Variants in EQTN observed in about 807,000 individuals in gnomAD.
EQTN encodes equatorin.
In EQTN, 29 loss-of-function variants were observed where a neutral mutation model predicts 26.9. The observed-to-expected ratio is 1.08, with a 90% CI of 0.80 to 1.47. The LOEUF (loss-of-function observed/expected upper bound fraction) is 1.47. Ranked by LOEUF, EQTN falls within the 40% of genes most tolerant of loss-of-function variation. The pLI, the probability that EQTN is intolerant of heterozygous loss-of-function variation, is 0.00. For missense variants in EQTN, 391 were observed against 346.1 expected (o/e 1.13, Z -1.03); for synonymous variants, 129 against 120.0 (o/e 1.07, Z -0.49).
intron 7 of EQTN, 80 bp downstream of exon 7, chr9:27,286,129 T>A (rs1820113807): frequency 7.1e-7 from 1 of 1,403,056 alleles, no homozygotes; most frequent in Non-Finnish European, 9.9e-7. Context: ...CACATATTCC[T>A]AAGAATCTAC....
In EQTN at chr9:27,292,462, A is replaced by C. The variant is rs1278908800; in HGVS notation, c.315T>G (p.Tyr105Ter). 4 of 1,607,900 alleles carry C rather than the reference A, an allele frequency of 2.5e-6. No individual in the cohort carries two copies. In the South Asian group the frequency reaches 4.4e-5, roughly 18 times the overall value. ...KNDKTVNATT[Y>*]EKSTIEEETT... The stretch of plus-strand genomic sequence containing the variant: ...TTTCTTCTTCAATGGTGGATTTTTC[A>C]TATGTAGTTGCATTGACAGTTTTAT... The change falls in exon 4 of 8, where the codon TAT becomes TAG. Residue 105 changes from tyrosine (Y) to a stop codon, truncating the protein, a stop_gained. Transcript: ENST00000380032. LOFTEE classifies it high-confidence loss of function.
At chr9:27,289,379 T>C (rs1208092403) in intron 6 of EQTN, among the ~76,000 whole-genome samples, 1 of 152,204 alleles carries the variant, frequency 6.6e-6, no homozygotes, top group African/African-American at 2.4e-5. Flanking sequence ...GGAAAAATAT[T>C]ATCATCATAA....
rs1284597474 is a variant in EQTN, at chr9:27,297,014, G to A, written c.42C>T (p.Ser14=). ...ILFIFIPGVF[S]LKSSTLKPTI... ...TAGGCTTCAAAGTGCTACTTTTTAA[G>A]GAAAAAACTCCAGGTATAAAAATAA... Residue 14 remains serine, a synonymous_variant, in exon 1 of 8, where the codon TCC becomes TCT. Coordinates refer to ENST00000380032, the MANE Select transcript of EQTN (RefSeq NM_020641.3). 8 of 1,610,358 alleles carry A rather than the reference G, an allele frequency of 5.0e-6. 1 individual carries two copies. In the South Asian group the frequency reaches 7.7e-5, roughly 16 times the overall value.
Position 27,284,753 on chromosome 9 carries a change from C to T in EQTN, c.855G>A (p.Met285Ile). 1 of 1,613,974 alleles carries T rather than the reference C, an allele frequency of 6.2e-7. No homozygotes were observed. The highest frequency in any genetic ancestry group is 8.5e-7 in the Non-Finnish European group (1 of 1,179,950). Residue 285 changes from methionine to isoleucine, a missense_variant, in exon 8 of 8, where the codon ATG (methionine) becomes ATA (isoleucine). Met to Ile is a conservative substitution (Grantham distance 10). Transcript: ENST00000380032. ...GGGTAACCGACTCATCGTTTTCATG[C>T]ATCTCATTATCTGAGCCTATGGAAA... ...DIISIGSDNEMHENDESVTR is the reference protein window; with the variant it reads ...DIISIGSDNEIHENDESVTR
Position 27,296,734 on chromosome 9 carries a change from C to T in EQTN, c.81G>A (p.Leu27=), listed in dbSNP as rs576170010. 1 of 1,601,988 alleles carries T rather than the reference C, an allele frequency of 6.2e-7. No homozygotes were observed. Among genetic ancestry groups the T allele is most frequent in the East Asian group, 2.2e-5 (1 of 44,710 alleles). The stretch of plus-strand genomic sequence containing the variant: ...CTTCATTTAAAGGTAGCACATTAGG[C>T]AATGCTAAAAAAAAGTATCACACAC... ...SSTLKPTIEA[L]PNVLPLNEDV... is the part of the protein sequence containing the mutation. Residue 27 remains leucine (L), a synonymous_variant, in exon 2 of 8, where the codon TTG becomes TTA. Transcript: ENST00000380032.
chr9:27,286,231 G>C lies in EQTN; in HGVS notation c.613C>G (p.Leu205Val), dbSNP rs1820118006. Residue 205 changes from leucine (L) to valine (V), a missense_variant, in exon 7 of 8, where the codon CTG becomes GTG. By Grantham distance (32) the Leu-to-Val change is conservative (BLOSUM62 1). Transcript: ENST00000380032. ...TACCTCAGATGCCTCAGTTTGTACA[G>C]TGTAGCACTACAGAATGCCAAGAGG... ...VVLLAFCSAT[L>V]YKLRHLSYKS... is the part of the protein sequence containing the mutation. 1 of 1,614,080 alleles carries C rather than the reference G, an allele frequency of 6.2e-7. No individual in the cohort carries two copies.
At chr9:27,295,738 A>G (rs1028603349) in intron 2 of EQTN, among the ~76,000 whole-genome samples, 7 of 143,162 alleles carry the variant, frequency 4.9e-5, no homozygotes, top group Admixed American at 7.5e-5. Context: ...AGGCTGAGGC[A>G]GGAGAATGGT....
At position 27,294,384 on chromosome 9, in the gene EQTN, T is replaced by A; in HGVS notation, c.221A>T (p.Asn74Ile). 6.2e-7 allele frequency: 1 copy of A among 1,609,384 alleles called. No homozygotes were observed. The highest frequency in any genetic ancestry group is 8.5e-7 in the Non-Finnish European group (1 of 1,176,922). Residue 74 changes from asparagine to isoleucine, a missense_variant, in exon 3 of 8, where the codon AAT becomes ATT. By Grantham distance (149) the Asn-to-Ile change is moderately radical. Transcript: ENST00000380032. ...DIKQYVFTTQ[N>I]PNGTESEISV... ...TATTTCAGACTCAGTGCCATTTGGA[T>A]TTTGTGTTGTGAACACATCTAAAAA...
At chr9:27,288,398 C>T (rs1820162444) in intron 6 of EQTN, among the ~76,000 whole-genome samples, 1 of 152,078 alleles carries the variant, frequency 6.6e-6, no homozygotes, top group South Asian at 2.1e-4. Context: ...TAGTTTCTTA[C>T]AAAGATAACC....
chr9:27,291,398 A>G (rs1245429804), intron 4 of EQTN, among the ~76,000 whole-genome samples: 2 of 152,238 alleles, frequency 1.3e-5, no homozygotes, highest in African/African-American at 4.8e-5. Context: ...ATGATGTTCC[A>G]ATATAAGCTT....
intron 3 of EQTN, among the ~76,000 whole-genome samples, 165 bp downstream of exon 3, chr9:27,294,151 G>A (rs1039581403): frequency 1.3e-5 from 2 of 152,170 alleles, no homozygotes; most frequent in Non-Finnish European, 2.9e-5. Context: ...CAGAGAGGAT[G>A]GCCAAGAACT....
At chr9:27,289,818 A>C (rs1288433017) in intron 5 of EQTN, 87 bp from the exon 6 acceptor site, 2 of 947,898 alleles carry the variant, frequency 2.1e-6, no homozygotes, top group Non-Finnish European at 3.2e-6. Context: ...TAATTATAGT[A>C]CCCAGTGTGT....
At chr9:27,289,754 T>G in intron 5 of EQTN, 23 bp from the exon 6 acceptor site, 1 of 1,591,538 alleles carries the variant, frequency 6.3e-7, no homozygotes, top group East Asian at 2.3e-5. Flanking sequence ...ATTGGGGTTA[T>G]GGTAAACAAC....
intron 6 of EQTN, among the ~76,000 whole-genome samples, chr9:27,288,701 A>G (rs1470767221): frequency 6.6e-6 from 1 of 152,234 alleles, no homozygotes; most frequent in Non-Finnish European, 1.5e-5. Context: ...TCAAGCCACA[A>G]GAAAACATGG....
intron 1 of EQTN, 72 bp from the exon 2 acceptor site, chr9:27,296,810 C>A: frequency 6.4e-7 from 1 of 1,574,768 alleles, no homozygotes; most frequent in Non-Finnish European, 8.6e-7. Context: ...TTTCTAACTG[C>A]ATTTTTTTCA....
intron 2 of EQTN, among the ~76,000 whole-genome samples, chr9:27,295,699 G>T (rs1486477352): frequency 1.3e-5 from 2 of 151,872 alleles, no homozygotes; most frequent in Non-Finnish European, 2.9e-5. Flanking sequence ...GGGCGTGGTG[G>T]CGGGCGCCTG....
chr9:27,294,893 C>T (rs1045277454), intron 2 of EQTN, among the ~76,000 whole-genome samples: 2 of 152,140 alleles, frequency 1.3e-5, no homozygotes, highest in Admixed American at 6.5e-5. Flanking sequence ...GCTCTTAAGA[C>T]TCATTAGTGG....
chr9:27,289,120 T>C (rs951587667), intron 6 of EQTN, among the ~76,000 whole-genome samples: 3 of 152,208 alleles, frequency 2.0e-5, no homozygotes, highest in Admixed American at 2.0e-4. Flanking sequence ...TTCTGTACGT[T>C]CTGCCAAATT....
chr9:27,295,737 C>T (rs1259034977), intron 2 of EQTN, among the ~76,000 whole-genome samples: 2 of 140,046 alleles, frequency 1.4e-5, no homozygotes, highest in Non-Finnish European at 3.0e-5. Context: ...GAGGCTGAGG[C>T]AGGAGAATGG....
Sources: gnomAD v4.1 joint callset for allele counts (sites outside exome capture counted in the v4.1 genomes callset) on GRCh38, gnomAD v4.1.1 for gene constraint, MANE v1.5 for transcripts, NCBI Gene and HGNC (gene_info 2026-07-23, HGNC 2026-07-21) for gene names.